Variants in OAF observed in about 807,000 individuals in gnomAD.
OAF encodes out at first homolog.
Under a neutral mutation model 22.5 loss-of-function variants are expected in OAF, and 13 were observed. That is an observed-to-expected ratio of 0.58 (90% CI 0.38 to 0.92). The LOEUF is 0.92. Among genes scored for constraint, OAF ranks in the 40% least tolerant of loss-of-function variants. The pLI is 0.00. For synonymous variants in OAF, 175 were observed against 170.5 expected (o/e 1.03, Z -0.21); for missense variants, 347 against 381.8 (o/e 0.91, Z 0.76).
chr11:120,221,351 G>T (rs114493312), intron 1 of OAF, among the ~76,000 whole-genome samples: 1 of 152,278 alleles, frequency 6.6e-6, no homozygotes, highest in African/African-American at 2.4e-5. Flanking sequence ...GACCTGTCTA[G>T]GCCATAGGTA....
At chr11:120,221,528 T>G (rs1311539930) in intron 1 of OAF, among the ~76,000 whole-genome samples, 1 of 152,204 alleles carries the variant, frequency 6.6e-6, no homozygotes, top group Non-Finnish European at 1.5e-5. Context: ...CAACAGTCCC[T>G]TGAGGTAGAT....
At chr11:120,215,664 C>G (rs1198047074) in intron 1 of OAF, among the ~76,000 whole-genome samples, 1 of 152,204 alleles carries the variant, frequency 6.6e-6, no homozygotes, top group African/African-American at 2.4e-5. Context: ...CATATCTAAT[C>G]ATAGGTGTGT....
rs937430123 is a variant in OAF, at chr11:120,230,072, A to G, written c.*930A>G. On this transcript the variant is annotated 3_prime_UTR_variant, in exon 4 of 4. Coordinates refer to ENST00000328965, the MANE Select transcript of OAF (RefSeq NM_178507.4). ...GAAAGCACCTACTGTGTGCTCAGCC[A>G]TTTGAGGAAGGAAGGAGGAGAAGGA... 5.3e-5 allele frequency: 8 copies of G among 152,218 alleles called. No homozygotes were observed. The highest frequency in any genetic ancestry group is 1.0e-4 in the Non-Finnish European group (7 of 68,044). The allele number at this position is 152,218 out of a possible 1,614,324, so 9.4% of individuals were successfully genotyped here. A position where few individuals can be genotyped will look rare whatever the true frequency, so the allele number is the denominator to read the frequency against.
intron 1 of OAF, 87 bp downstream of exon 1, chr11:120,211,597 C>T (rs1938148950): frequency 2.0e-6 from 2 of 979,796 alleles, no homozygotes; most frequent in Non-Finnish European, 2.8e-6. Context: ...GACGGAAAGA[C>T]GGGCCCAGGA....
Position 120,211,329 on chromosome 11 carries a change from TGCC to T in OAF, c.53_55del (p.Pro18del). Reference sequence around the variant, plus strand: ...GCGCGCCCTGCGCTGCTGCTGCTGCTGCCGCTGCTCGCGCCGCTGCTGGGAACG... The same window carrying T: ...GCGCGCCCTGCGCTGCTGCTGCTGCTGCTGCTCGCGCCGCTGCTGGGAACG... On this transcript the variant is annotated inframe_deletion, in exon 1 of 4. Coordinates refer to ENST00000328965, the MANE Select transcript of OAF (RefSeq NM_178507.4). The T allele has an allele frequency of 1.4e-6, 2 of 1,393,828 alleles. No homozygotes were observed. Among genetic ancestry groups the T allele is most frequent in the Non-Finnish European group, 9.3e-7 (1 of 1,071,556 alleles). The allele number at this position is 1,393,828 out of a possible 1,614,324, so 86.3% of individuals were successfully genotyped here. A position where few individuals can be genotyped will look rare whatever the true frequency, so the allele number is the denominator to read the frequency against.
rs750291793 is a variant in OAF at position 120,229,172 on chromosome 11, T to C, written c.*30T>C. 7 of 1,594,246 alleles carry C rather than the reference T, an allele frequency of 4.4e-6. No individual in the cohort carries two copies. The South Asian group carries it at 5.6e-5, about 13-fold the overall frequency. On this transcript the variant is annotated 3_prime_UTR_variant, in exon 4 of 4. Coordinates refer to ENST00000328965, the MANE Select transcript of OAF (RefSeq NM_178507.4). ...GGAGCAACCTGGCGGGTGGCTGCTC[T>C]GGGCCCACTGCTCTTCACCAGCCAC...
chr11:120,215,194 A>C (rs1013230959), intron 1 of OAF, among the ~76,000 whole-genome samples: 4 of 152,186 alleles, frequency 2.6e-5, no homozygotes, highest in Admixed American at 1.3e-4. Context: ...AAAATAAAAA[A>C]TAAAAAAAAA....
At chr11:120,227,093 GAGTCTCATCATTAGCCA>G (rs1462915419) in intron 3 of OAF, 97 bp downstream of exon 3, 40 of 792,204 alleles carry the variant, frequency 5.0e-5, no homozygotes, top group Non-Finnish European at 6.1e-5. Flanking sequence ...ATCATTAGTT[GAGTCTCATCATTAGCCA>G]AGTCTCATCA....
intron 3 of OAF, 40 bp from the exon 4 acceptor site, chr11:120,228,820 TTCCCTCCC>T (rs760449235): frequency 9.5e-6 from 6 of 630,998 alleles, no homozygotes; most frequent in African/African-American, 7.3e-5. Context: ...GGGGAGCTCC[TTCCCTCCC>T]TCCCTCCCTC....
chr11:120,212,054 G>A (rs1938156423), intron 1 of OAF, among the ~76,000 whole-genome samples: 1 of 152,158 alleles, frequency 6.6e-6, no homozygotes, highest in Admixed American at 6.5e-5. Flanking sequence ...TCCCTCTCAA[G>A]CCGGGAGAAG....
intron 1 of OAF, among the ~76,000 whole-genome samples, chr11:120,224,400 T>C (rs191785392): frequency 9.3e-4 from 141 of 152,312 alleles, no homozygotes; most frequent in Middle Eastern, 3.4e-3. Flanking sequence ...TACTTAGTCC[T>C]CACCACAACC....
At chr11:120,222,408 T>G (rs934674049) in intron 1 of OAF, among the ~76,000 whole-genome samples, 1 of 151,604 alleles carries the variant, frequency 6.6e-6, no homozygotes, top group Non-Finnish European at 1.5e-5. Flanking sequence ...ATACAAAAAT[T>G]AGCCGGGCAT....
Position 120,225,807 on chromosome 11 carries a change from A to T in OAF, c.366+12A>T, listed in dbSNP as rs1938349904. The T allele has an allele frequency of 6.3e-7, 1 of 1,593,662 alleles. No homozygotes were observed. Among genetic ancestry groups the T allele is most frequent in the Non-Finnish European group, 8.5e-7 (1 of 1,171,680 alleles). ...CCAAGCTCCGGCAGGTAAGTGCCCCACCAGGCCTGCCTGGCCCAGGTCCTG... is the reference window on the plus strand; with the variant it reads ...CCAAGCTCCGGCAGGTAAGTGCCCCTCCAGGCCTGCCTGGCCCAGGTCCTG... On this transcript the variant is annotated intron_variant, in intron 2 of 3. Coordinates refer to ENST00000328965, the MANE Select transcript of OAF (RefSeq NM_178507.4).
At chr11:120,215,849 G>A (rs1007158478) in intron 1 of OAF, among the ~76,000 whole-genome samples, 10 of 152,146 alleles carry the variant, frequency 6.6e-5, no homozygotes, top group African/African-American at 2.4e-4. Flanking sequence ...CGGATGGGGA[G>A]GGTGATACTG....
chr11:120,221,130 C>G (rs1020757000), intron 1 of OAF, among the ~76,000 whole-genome samples: 1 of 152,216 alleles, frequency 6.6e-6, no homozygotes, highest in Admixed American at 6.5e-5. Flanking sequence ...CTCCATTGCA[C>G]TTGGAGTAAA....
chr11:120,220,978 G>A (rs949166698), intron 1 of OAF, among the ~76,000 whole-genome samples: 1 of 152,178 alleles, frequency 6.6e-6, no homozygotes, highest in African/African-American at 2.4e-5. Flanking sequence ...TTCTGTAAAT[G>A]CCTCATTGCT....
chr11:120,224,899 T>C (rs1459157380), intron 1 of OAF, among the ~76,000 whole-genome samples: 1 of 152,114 alleles, frequency 6.6e-6, no homozygotes, highest in Non-Finnish European at 1.5e-5. Flanking sequence ...AGCAGCCGGA[T>C]AGGGAAGGGG....
Position 120,211,467 on chromosome 11 carries a change from A to G in OAF, c.188A>G (p.Lys63Arg). ...GACAGCATCAGCCTCGAGCTGCGCAAGCCCGACGGCACCCTCGTCTCCTTC... is the reference window on the plus strand; with the variant it reads ...GACAGCATCAGCCTCGAGCTGCGCAGGCCCGACGGCACCCTCGTCTCCTTC... ...DADSISLELR[K>R]PDGTLVSFTA... is the part of the protein sequence containing the mutation. Residue 63 changes from lysine (K) to arginine (R), a missense_variant, in exon 1 of 4, where the codon AAG (lysine) becomes AGG (arginine). By Grantham distance (26) the Lys-to-Arg change is conservative (BLOSUM62 2). Coordinates refer to ENST00000328965, the MANE Select transcript of OAF (RefSeq NM_178507.4). The G allele has an allele frequency of 6.6e-7, 1 of 1,518,280 alleles. No homozygotes were observed. The allele number at this position is 1,518,280 out of a possible 1,614,324, so 94.1% of individuals were successfully genotyped here. A position where few individuals can be genotyped will look rare whatever the true frequency, so the allele number is the denominator to read the frequency against.
rs1214872761 is a variant in OAF, at chr11:120,229,655, C to G, written c.*513C>G. On this transcript the variant is annotated 3_prime_UTR_variant, in exon 4 of 4. Transcript: ENST00000328965. Reference sequence around the variant, plus strand: ...GCTGTTGGGGACCCACGACGCAGCCCCTGTACTGGATTACAGCATATTCTC... The same window carrying G: ...GCTGTTGGGGACCCACGACGCAGCCGCTGTACTGGATTACAGCATATTCTC... 3 of 161,660 alleles carry G rather than the reference C, an allele frequency of 1.9e-5. No individual in the cohort carries two copies. The highest frequency in any genetic ancestry group is 4.2e-5 in the Non-Finnish European group (3 of 72,222). 10.0% of individuals were successfully genotyped at this position (161,660 alleles called of 1,614,324 possible).
Sources: gnomAD v4.1 joint callset for allele counts (sites outside exome capture counted in the v4.1 genomes callset) on GRCh38, gnomAD v4.1.1 for gene constraint, MANE v1.5 for transcripts, NCBI Gene and HGNC (gene_info 2026-07-23, HGNC 2026-07-21) for gene names.